RPL3L: variants seen among roughly 807,000 people sequenced by gnomAD.
RPL3L encodes the protein ribosomal protein uL3-like.
RPL3L carries 44 observed loss-of-function variants against 44.5 expected under a neutral mutation model. The observed-to-expected ratio is 0.99, with a 90% CI of 0.78 to 1.27. RPL3L has a LOEUF of 1.27. RPL3L is among the 50% of genes most tolerant of loss of function. The pLI is 0.00. For synonymous variants in RPL3L, 292 were observed against 230.7 expected (o/e 1.27, Z -2.41); for missense variants, 631 against 569.1 (o/e 1.11, Z -1.11).
In RPL3L at chr16:1,945,544, G is replaced by A. The variant is rs762393976; in HGVS notation, c.1122C>T (p.Phe374=). 1.2e-5 allele frequency: 20 copies of A among 1,613,548 alleles called. No individual in the cohort carries two copies. Among genetic ancestry groups the A allele is most frequent in the Middle Eastern group, 1.6e-4 (1 of 6,082 alleles). The change falls in exon 9 of 10, where the codon TTC becomes TTT. Residue 374 remains phenylalanine, a synonymous_variant. Transcript: ENST00000268661. ...GGGCTGTCTGGAAGCGGCCATGGCC[G>A]AACTTGGAGGTGGTGTCAATGAACT... ...ELKFIDTTSK[F]GHGRFQTAQE... is the part of the protein sequence containing the mutation.
rs372534523 is a variant in RPL3L, at chr16:1,954,054, G to C, written c.98C>G (p.Pro33Arg). The change falls in exon 2 of 10, where the codon CCG (proline) becomes CGG (arginine). Residue 33 changes from proline (P) to arginine (R), a missense_variant. Coordinates refer to ENST00000268661, the MANE Select transcript of RPL3L (RefSeq NM_005061.3). ...HRHRGKVKTW[P>R]RDDPSQPVHL... Reference sequence around the variant, plus strand: ...CACGGGCTGGCTGGGGTCATCCCGCGGCCACGTCTTCACCTTGCCCCGGTG... The same window carrying C: ...CACGGGCTGGCTGGGGTCATCCCGCCGCCACGTCTTCACCTTGCCCCGGTG... The C allele has an allele frequency of 5.6e-6, 9 of 1,606,790 alleles. No homozygotes were observed. The highest frequency in any genetic ancestry group is 7.6e-6 in the Non-Finnish European group (9 of 1,177,462).
rs750540098 is a variant in RPL3L at position 1,954,098 on chromosome 16, G to T, written c.54C>A (p.Pro18=). 4 of 1,602,704 alleles carry T rather than the reference G, an allele frequency of 2.5e-6. No homozygotes were observed. The highest frequency in any genetic ancestry group is 3.4e-6 in the Non-Finnish European group (4 of 1,175,638). ...APRHGHLGFL[P]HKRSHRHRGK... Reference sequence around the variant, plus strand: ...CCCGGTGCCGGTGGCTCCTCTTATGGGGCAGGAAGCCCAGGTGTCCGTGCC... The same window carrying T: ...CCCGGTGCCGGTGGCTCCTCTTATGTGGCAGGAAGCCCAGGTGTCCGTGCC... Residue 18 remains proline (P), a synonymous_variant, in exon 2 of 10, where the codon CCC becomes CCA. Coordinates refer to ENST00000268661, the MANE Select transcript of RPL3L (RefSeq NM_005061.3).
In RPL3L at chr16:1,944,725, T is replaced by C. The variant is rs2083107081; in HGVS notation, c.*112A>G. 11 of 1,369,480 alleles carry C rather than the reference T, an allele frequency of 8.0e-6. No homozygotes were observed. The highest frequency in any genetic ancestry group is 1.7e-5 in the Admixed American group (1 of 58,404). The allele number at this position is 1,369,480 out of a possible 1,614,324, so 84.8% of individuals were successfully genotyped here. A position where few individuals can be genotyped will look rare whatever the true frequency, so the allele number is the denominator to read the frequency against. On this transcript the variant is annotated 3_prime_UTR_variant, in exon 10 of 10. Transcript: ENST00000268661. ...CTAGGCAGCAGGCAAGGTGAACCCCTTGGGCGGTTACACAGCGCTCTGAGA... is the reference window on the plus strand; with the variant it reads ...CTAGGCAGCAGGCAAGGTGAACCCCCTGGGCGGTTACACAGCGCTCTGAGA...
intron 6 of RPL3L, 76 bp from the exon 7 acceptor site, chr16:1,946,802 C>A: frequency 6.3e-7 from 1 of 1,588,070 alleles, no homozygotes; most frequent in Non-Finnish European, 8.6e-7. Context: ...CATCCGCCCA[C>A]ATGCTCAGAC....
chr16:1,949,193 G>T (rs1287395079), intron 4 of RPL3L, among the ~76,000 whole-genome samples: 15 of 146,884 alleles, frequency 1.0e-4, no homozygotes, highest in African/African-American at 3.8e-4. Flanking sequence ...CTGCCACCTT[G>T]TCCTCCCACA....
chr16:1,949,854 CGGGGTAGGTATGTAG>C (rs1567310688), intron 4 of RPL3L, among the ~76,000 whole-genome samples: 4 of 4,814 alleles, frequency 8.3e-4, no homozygotes, highest in Non-Finnish European at 1.1e-3. Context: ...TAGGTATGGA[CGGGGTAGGTATGTAG>C]GGGGCAGGTA....
intron 3 of RPL3L, 27 bp downstream of exon 3, chr16:1,952,847 G>A (rs1418104863): frequency 1.2e-6 from 2 of 1,612,308 alleles, no homozygotes; most frequent in South Asian, 2.2e-5. Context: ...GCAGCCCTTG[G>A]ACGGCCCAGC....
intron 6 of RPL3L, 72 bp downstream of exon 6, chr16:1,946,866 C>T (rs1414310011): frequency 5.8e-6 from 9 of 1,561,240 alleles, no homozygotes; most frequent in Non-Finnish European, 6.9e-6. Context: ...TCATGCACCC[C>T]ACCCACTGAG....
chr16:1,947,484 T>G lies in RPL3L; in HGVS notation c.502-104A>C. 3 of 1,312,222 alleles carry G rather than the reference T, an allele frequency of 2.3e-6. No individual in the cohort carries two copies. In the South Asian group the frequency reaches 4.6e-5, roughly 20 times the overall value. The allele number at this position is 1,312,222 out of a possible 1,614,324, so 81.3% of individuals were successfully genotyped here. On this transcript the variant is annotated intron_variant, in intron 4 of 9. Transcript: ENST00000268661. ...CCCCTGCCGCCTTCCACGCATGCATTCATTCACAGGTGTTCCCAGGATCAG... is the reference window on the plus strand; with the variant it reads ...CCCCTGCCGCCTTCCACGCATGCATGCATTCACAGGTGTTCCCAGGATCAG...
intron 9 of RPL3L, 103 bp from the exon 10 acceptor site, chr16:1,944,996 C>CT (rs1031892008): frequency 7.7e-5 from 109 of 1,419,488 alleles, no homozygotes; most frequent in African/African-American, 1.4e-4. Flanking sequence ...CTACTGCCCC[C>CT]CTAAGGCTGC....
Position 1,947,258 on chromosome 16 carries a change from G to A in RPL3L, c.624C>T (p.His208=). Residue 208 remains histidine (H), a synonymous_variant, in exon 5 of 10, where the codon CAC becomes CAT. Transcript: ENST00000268661. ...QARLEKQVPV[H]SVFSQSEVID... ...TGACCTCACTCTGGCTGAACACGCTGTGCACGGGCACCTGCTTCTCCAGCC... is the reference window on the plus strand; with the variant it reads ...TGACCTCACTCTGGCTGAACACGCTATGCACGGGCACCTGCTTCTCCAGCC... 1 of 1,613,612 alleles carries A rather than the reference G, an allele frequency of 6.2e-7. No homozygotes were observed. The highest frequency in any genetic ancestry group is 2.2e-5 in the East Asian group (1 of 44,862).
chr16:1,947,794 TGGCAG>T (rs1270487011), intron 4 of RPL3L, among the ~76,000 whole-genome samples: 1 of 152,100 alleles, frequency 6.6e-6, no homozygotes, highest in Non-Finnish European at 1.5e-5. Flanking sequence ...ACAGGCCTGG[TGGCAG>T]AGGAGGCCTT....
At chr16:1,953,932 C>G (rs574054439) in intron 2 of RPL3L, 24 bp downstream of exon 2, 5 of 1,479,046 alleles carry the variant, frequency 3.4e-6, no homozygotes, top group Non-Finnish European at 4.5e-6. Context: ...TCCCCCTCCC[C>G]CAAGGGTCCC....
Position 1,954,086 on chromosome 16 carries a change from G to C in RPL3L, c.66C>G (p.Ser22Arg). 6.2e-7 allele frequency: 1 copy of C among 1,603,774 alleles called. No individual in the cohort carries two copies. Among genetic ancestry groups the C allele is most frequent in the Non-Finnish European group, 8.5e-7 (1 of 1,176,228 alleles). The change falls in exon 2 of 10, where the codon AGC (serine) becomes AGG (arginine). Residue 22 changes from serine (S) to arginine (R), a missense_variant. Coordinates refer to ENST00000268661, the MANE Select transcript of RPL3L (RefSeq NM_005061.3). ...GHLGFLPHKR[S>R]HRHRGKVKTW... is the part of the protein sequence containing the mutation. ...TCTTCACCTTGCCCCGGTGCCGGTG[G>C]CTCCTCTTATGGGGCAGGAAGCCCA... is the stretch of plus-strand genomic sequence containing the variant.
intron 4 of RPL3L, among the ~76,000 whole-genome samples, chr16:1,949,001 G>T (rs543038203): frequency 1.8e-4 from 25 of 139,646 alleles, no homozygotes; most frequent in South Asian, 1.1e-3. Context: ...GTGAGCCACC[G>T]CGCCTGGCTT....
intron 4 of RPL3L, among the ~76,000 whole-genome samples, chr16:1,949,259 C>CTTTTTTTTTTTTTTT (rs58248501): frequency 2.5e-4 from 19 of 75,254 alleles, no homozygotes; most frequent in East Asian, 5.0e-4. Context: ...TTTTTTTTTT[C>CTTTTTTTTTTTTTTT]TTTTTTTTTT....
chr16:1,951,536 G>T (rs527865523), intron 3 of RPL3L, among the ~76,000 whole-genome samples: 1 of 152,030 alleles, frequency 6.6e-6, no homozygotes, highest in East Asian at 1.9e-4. Flanking sequence ...ATGCGCCACC[G>T]TGCCCGGCTA....
intron 3 of RPL3L, 101 bp downstream of exon 3, chr16:1,952,773 A>T: frequency 7.3e-7 from 1 of 1,365,278 alleles, no homozygotes; most frequent in Non-Finnish European, 1.0e-6. Flanking sequence ...TTCGCTTCCT[A>T]CTCACCCACA....
chr16:1,953,096 G>A (rs759201513), intron 2 of RPL3L, 54 bp from the exon 3 acceptor site: 2 of 1,530,040 alleles, frequency 1.3e-6, no homozygotes, highest in Admixed American at 2.0e-5. Flanking sequence ...GGCCTGTGGG[G>A]GAGGGAGTGG....
Sources: allele counts gnomAD v4.1 joint callset (sites outside exome capture counted in the v4.1 genomes callset), GRCh38; gene constraint gnomAD v4.1.1; transcripts MANE v1.5; gene names NCBI Gene and HGNC (gene_info 2026-07-23, HGNC 2026-07-21).